The following MYO9A variants were observed in gnomAD, a reference collection of about 807,000 sequenced individuals.
MYO9A encodes unconventional myosin-IXa.
A neutral mutation model predicts 293.3 loss-of-function variants in MYO9A; 103 were observed. That is an observed-to-expected ratio of 0.35 (90% CI 0.30 to 0.41). The LOEUF is 0.41. Ranked by LOEUF, MYO9A falls within the 10% of genes least tolerant of loss-of-function variation. MYO9A has a pLI of 1.00. For missense variants in MYO9A, 2,685 were observed against 3,033.0 expected, an observed-to-expected ratio of 0.89 and a Z score of 2.69; for synonymous variants, 1,001 against 1,035.7, an observed-to-expected ratio of 0.97 and a Z score of 0.64.
At chr15:72,031,601 T>C (rs1566965867) in intron 3 of MYO9A, among the ~76,000 whole-genome samples, 1 of 152,160 alleles carries the variant, frequency 6.6e-6, no homozygotes, top group Non-Finnish European at 1.5e-5. Context: ...TATCTTTGGG[T>C]AACTGAAGCT....
At chr15:71,961,668 G>T (rs1334529039) in intron 13 of MYO9A, among the ~76,000 whole-genome samples, 1 of 152,156 alleles carries the variant, frequency 6.6e-6, no homozygotes, top group East Asian at 1.9e-4. Context: ...ATAACCAAAT[G>T]GATGTGTGAG....
chr15:72,059,149 T>A (rs115966734), intron 1 of MYO9A, among the ~76,000 whole-genome samples: 1,677 of 152,312 alleles, frequency 0.011, 29 homozygotes, highest in African/African-American at 0.038. Context: ...GAAAGCTCTG[T>A]CTGTCCTGCT....
chr15:71,895,722 G>A (rs2057304535), intron 25 of MYO9A, among the ~76,000 whole-genome samples: 1 of 151,848 alleles, frequency 6.6e-6, no homozygotes, highest in African/African-American at 2.4e-5. Context: ...TAATTTTAAA[G>A]ATAAGTAGAT....
chr15:71,932,554 T>C (rs2058507455), intron 18 of MYO9A, among the ~76,000 whole-genome samples: 1 of 151,514 alleles, frequency 6.6e-6, no homozygotes, highest in African/African-American at 2.4e-5. Context: ...GCCCATTGGC[T>C]ACTAGATGCA....
chr15:72,019,050 C>T lies in MYO9A; in HGVS notation c.1144G>A (p.Asp382Asn). Reference protein sequence around the residue: ...LRQSWDDYCYDSEPDCFTVEG... With the variant: ...LRQSWDDYCYNSEPDCFTVEG... ...GTACTTGTACTGACCGGCTCAGAGT[C>T]ATAGCAATAATCATCCCAGCTCTGT... Residue 382 changes from aspartate (D) to asparagine (N), a missense_variant, in exon 6 of 42, where the codon GAC (aspartate) becomes AAC (asparagine). Around this residue, in one of 10 missense-constraint regions of MYO9A, gnomAD observed 289 missense variants for 456.8 expected, o/e 0.63. Transcript: ENST00000356056. 1 of 1,613,728 alleles carries T rather than the reference C, an allele frequency of 6.2e-7. No individual in the cohort carries two copies. The highest frequency in any genetic ancestry group is 8.5e-7 in the Non-Finnish European group (1 of 1,179,776).
Position 72,009,851 on chromosome 15 carries a change from A to G in MYO9A, c.1253+499T>C, listed in dbSNP as rs561849974. On this transcript the variant is annotated intron_variant, in intron 7 of 41. Transcript: ENST00000356056. The stretch of plus-strand genomic sequence containing the variant: ...TTTTAAATAATTTGTTTCAAATATA[A>G]TTTATCTCATCTTTATCTCAAATTT... Among the ~76,000 whole-genome samples, 3 of 152,262 alleles carry G rather than the reference A, an allele frequency of 2.0e-5. No individual in the cohort carries two copies. The East Asian group carries it at 5.8e-4, about 29-fold the overall frequency.
In MYO9A at chr15:71,883,446, G is replaced by A. The variant is rs142702122; in HGVS notation, c.5398+148C>T. On this transcript the variant is annotated intron_variant, in intron 28 of 41. Coordinates refer to ENST00000356056, the MANE Select transcript of MYO9A (RefSeq NM_006901.4). ...AGGAAAAATGTAACTTTATTTTTTAGTTAAGGAAGGATTTAACAATGCTGG... is the reference window on the plus strand; with the variant it reads ...AGGAAAAATGTAACTTTATTTTTTAATTAAGGAAGGATTTAACAATGCTGG... The A allele has an allele frequency of 9.0e-3, 7,098 of 787,342 alleles. 65 individuals carry two copies. The highest frequency in any genetic ancestry group is 0.023 in the African/African-American group (1,305 of 56,596). The allele number at this position is 787,342 out of a possible 1,614,324, so 48.8% of individuals were successfully genotyped here. A position where few individuals can be genotyped will look rare whatever the true frequency, so the allele number is the denominator to read the frequency against.
intron 39 of MYO9A, among the ~76,000 whole-genome samples, chr15:71,843,390 T>C (rs1487119775): frequency 1.3e-5 from 2 of 152,080 alleles, no homozygotes; most frequent in African/African-American, 4.8e-5. Context: ...GATCATGCCA[T>C]TGCACTCCAG....
chr15:71,832,473 C>T (rs2054768901), intron 39 of MYO9A, among the ~76,000 whole-genome samples: 1 of 151,932 alleles, frequency 6.6e-6, no homozygotes, highest in African/African-American at 2.4e-5. Flanking sequence ...AAGCAAATTC[C>T]TTGCAAAAAA....
chr15:71,840,495 C>T (rs1567185197), intron 39 of MYO9A, among the ~76,000 whole-genome samples: 1 of 152,200 alleles, frequency 6.6e-6, no homozygotes, highest in African/African-American at 2.4e-5. Flanking sequence ...AGAAAATATC[C>T]TCTTTCCCTC....
chr15:71,833,726 G>A lies in MYO9A; in HGVS notation c.6838-3415C>T, dbSNP rs556437758. The stretch of plus-strand genomic sequence containing the variant: ...AATTTAAAACAAGTTTTCTAATAAT[G>A]TAGTTACAAAGAGAAAATTAAAAAT... On this transcript the variant is annotated intron_variant, in intron 39 of 41. Transcript: ENST00000356056. Among the ~76,000 whole-genome samples, 20 of 152,054 alleles carry A rather than the reference G, an allele frequency of 1.3e-4. No homozygotes were observed. In the East Asian group the frequency reaches 3.5e-3, roughly 26 times the overall value.
At chr15:72,092,762 T>TTG (rs1394982436) in intron 1 of MYO9A, among the ~76,000 whole-genome samples, 3 of 152,184 alleles carry the variant, frequency 2.0e-5, no homozygotes, top group Non-Finnish European at 4.4e-5. Context: ...CATATGATTT[T>TTG]CATGTCACAA....
intron 12 of MYO9A, among the ~76,000 whole-genome samples, chr15:71,976,897 TCAA>T: frequency 6.6e-6 from 1 of 152,358 alleles, no homozygotes; most frequent in African/African-American, 2.4e-5. Context: ...TAGTAAATCC[TCAA>T]TACTTTCTAT....
At chr15:72,061,987 GCAA>G (rs1566997095) in intron 1 of MYO9A, among the ~76,000 whole-genome samples, 1 of 152,172 alleles carries the variant, frequency 6.6e-6, no homozygotes, top group African/African-American at 2.4e-5. Flanking sequence ...AGGCAGCTCA[GCAA>G]GGAGATACAG....
At chr15:71,844,723 A>G (rs2055309687) in intron 39 of MYO9A, among the ~76,000 whole-genome samples, 1 of 152,248 alleles carries the variant, frequency 6.6e-6, no homozygotes, top group Admixed American at 6.5e-5. Context: ...AAGGAATGGC[A>G]AGGCATGATT....
At chr15:71,983,371 A>G (rs2076322298) in intron 11 of MYO9A, among the ~76,000 whole-genome samples, 1 of 151,302 alleles carries the variant, frequency 6.6e-6, no homozygotes, top group Non-Finnish European at 1.5e-5. Context: ...CAAAGATCTT[A>G]GAGTATCTTA....
At chr15:72,002,780 C>T (rs1203002534) in intron 8 of MYO9A, among the ~76,000 whole-genome samples, 1 of 152,098 alleles carries the variant, frequency 6.6e-6, no homozygotes, top group Non-Finnish European at 1.5e-5. Context: ...TACAAGGGTA[C>T]ACAGTGGGCT....
intron 19 of MYO9A, among the ~76,000 whole-genome samples, chr15:71,913,143 A>T (rs368151357): frequency 2.6e-5 from 4 of 152,034 alleles, no homozygotes; most frequent in South Asian, 4.2e-4. Flanking sequence ...ATTGCTCCAT[A>T]AGTTATTGCT....
chr15:72,105,502 CTTT>C (rs35861022), intron 1 of MYO9A, among the ~76,000 whole-genome samples: 2 of 89,276 alleles, frequency 2.2e-5, no homozygotes, highest in African/African-American at 4.4e-5. Context: ...GCTGGGAAAG[CTTT>C]TTTTTTTTTT....
Sources: gnomAD v4.1 joint callset for allele counts (sites outside exome capture counted in the v4.1 genomes callset) on GRCh38, gnomAD v4.1.1 for gene constraint, gnomAD v4.1.1 regional missense constraint, MANE v1.5 for transcripts, NCBI Gene and HGNC (gene_info 2026-07-23, HGNC 2026-07-21) for gene names.